Variants in ZBTB16 observed in about 807,000 individuals in gnomAD.
ZBTB16 encodes zinc finger and BTB domain containing 16, also known as zinc finger and BTB domain-containing protein 16.
ZBTB16 carries 8 observed loss-of-function variants against 56.8 expected under a neutral mutation model. That is an observed-to-expected ratio of 0.14 (90% CI 0.08 to 0.25). The LOEUF (loss-of-function observed/expected upper bound fraction) is 0.25, where lower values mean the gene tolerates loss of function less well. Among genes scored for constraint, ZBTB16 ranks in the 10% least tolerant of loss-of-function variants. The pLI, the probability that ZBTB16 is intolerant of heterozygous loss-of-function variation, is 1.00. For missense variants in ZBTB16, 625 were observed against 903.0 expected (o/e 0.69, Z 3.95); for synonymous variants, 363 against 368.5 (o/e 0.98, Z 0.17).
intron 5 of ZBTB16, chr11:114,246,887 G>A (rs1944826720): frequency 4.9e-6 from 2 of 407,044 alleles, no homozygotes; most frequent in Non-Finnish European, 9.2e-6. Flanking sequence ...GCAAGATGGT[G>A]AGGTCTCATG....
chr11:114,158,393 T>G (rs867526627), intron 3 of ZBTB16, among the ~76,000 whole-genome samples: 1 of 152,220 alleles, frequency 6.6e-6, no homozygotes, highest in South Asian at 2.1e-4. Flanking sequence ...GTGGCTTTGT[T>G]TGCCCCATTC....
chr11:114,109,026 G>T (rs1158180660), intron 2 of ZBTB16, among the ~76,000 whole-genome samples: 1 of 152,194 alleles, frequency 6.6e-6, no homozygotes, highest in Admixed American at 6.5e-5. Flanking sequence ...GTGGGGACGG[G>T]GCTGATCTGT....
Position 114,186,895 on chromosome 11 carries a change from C to T in ZBTB16, c.1367-57C>T, listed in dbSNP as rs542471640. The stretch of plus-strand genomic sequence containing the variant: ...TACCTGCACAGTTGTGGCCCAGGAC[C>T]TCCCCGCTCACCAGTGGACTATTGC... On this transcript the variant is annotated intron_variant, in intron 3 of 6. Coordinates refer to ENST00000335953, the MANE Select transcript of ZBTB16 (RefSeq NM_006006.6). The T allele has an allele frequency of 1.9e-5, 30 of 1,564,944 alleles. No individual in the cohort carries two copies. The East Asian group carries it at 5.4e-4, about 28-fold the overall frequency.
intron 2 of ZBTB16, among the ~76,000 whole-genome samples, chr11:114,083,683 G>A (rs1003572059): frequency 2.0e-5 from 3 of 152,144 alleles, no homozygotes; most frequent in African/African-American, 7.2e-5. Flanking sequence ...GCTCTCCCGT[G>A]TTCTGTACCA....
chr11:114,102,843 T>C (rs1344863531), intron 2 of ZBTB16, among the ~76,000 whole-genome samples: 3 of 152,216 alleles, frequency 2.0e-5, no homozygotes, highest in Non-Finnish European at 4.4e-5. Context: ...TTGAAGTTTT[T>C]GATGCTCGCC....
chr11:114,218,575 A>G (rs1436046894), intron 4 of ZBTB16, among the ~76,000 whole-genome samples: 1 of 152,194 alleles, frequency 6.6e-6, no homozygotes, highest in East Asian at 1.9e-4. Context: ...CTTTTCTCAT[A>G]AAGACTTTGT....
rs1009133360 is a variant in ZBTB16 at position 114,060,745 on chromosome 11, C to T, written c.-91+863C>T. 1.3e-5 allele frequency among the ~76,000 whole-genome samples: 2 copies of T among 152,106 alleles called. No homozygotes were observed. Among genetic ancestry groups the T allele is most frequent in the East Asian group, 3.9e-4 (2 of 5,152 alleles). The stretch of plus-strand genomic sequence containing the variant: ...ACCCGGACGCACGGAGCGCTCCGCA[C>T]CGACTCGCTCGCCGCCTCCCCGAGA... On this transcript the variant is annotated intron_variant, in intron 1 of 6. Transcript: ENST00000335953. This position sits in a 1 kb window ranked among gnomAD's most constrained non-coding sequence, Gnocchi z 6.0.
intron 2 of ZBTB16, among the ~76,000 whole-genome samples, chr11:114,115,236 G>A (rs1941135059): frequency 6.6e-6 from 1 of 151,988 alleles, no homozygotes; most frequent in Non-Finnish European, 1.5e-5. Context: ...GAGCAGGGAC[G>A]GTGTATGTCC....
At chr11:114,241,466 C>G (rs958812768) in intron 4 of ZBTB16, among the ~76,000 whole-genome samples, 3 of 152,134 alleles carry the variant, frequency 2.0e-5, no homozygotes, top group Non-Finnish European at 4.4e-5. Context: ...GAGCATGAAC[C>G]CTATTGGGAA....
intron 4 of ZBTB16, among the ~76,000 whole-genome samples, chr11:114,195,360 A>G (rs1943580738): frequency 6.6e-6 from 1 of 152,068 alleles, no homozygotes; most frequent in Non-Finnish European, 1.5e-5. Context: ...TAATGTGAAC[A>G]TGGGGGAGTT....
intron 2 of ZBTB16, among the ~76,000 whole-genome samples, chr11:114,112,760 C>CTTTTT (rs398017637): frequency 7.5e-6 from 1 of 133,146 alleles, no homozygotes; most frequent in Non-Finnish European, 1.6e-5. Context: ...AGTTCATTTT[C>CTTTTT]TTTTTTTTTT....
intron 2 of ZBTB16, among the ~76,000 whole-genome samples, chr11:114,121,506 C>T (rs1185241855): frequency 1.3e-5 from 2 of 152,196 alleles, no homozygotes; most frequent in African/African-American, 4.8e-5. Context: ...TTGTGGCTAG[C>T]ACCATGGCTA....
intron 3 of ZBTB16, among the ~76,000 whole-genome samples, chr11:114,162,811 G>C (rs2134980206): frequency 6.6e-6 from 1 of 152,320 alleles, no homozygotes; most frequent in East Asian, 1.9e-4. Context: ...GGGTGATGCG[G>C]ATGCAGAGAG....
intron 2 of ZBTB16, among the ~76,000 whole-genome samples, chr11:114,071,197 C>T (rs1397061157): frequency 3.3e-5 from 5 of 149,556 alleles, no homozygotes; most frequent in Non-Finnish European, 7.4e-5. Flanking sequence ...ATTGGCAGTT[C>T]AGCCAGTTAA....
chr11:114,146,698 A>T (rs1942114687), intron 2 of ZBTB16, among the ~76,000 whole-genome samples: 1 of 151,986 alleles, frequency 6.6e-6, no homozygotes, highest in Admixed American at 6.5e-5. Flanking sequence ...ATTAAAAAAA[A>T]ATCAGCTGGG....
At chr11:114,139,625 A>G (rs1040519010) in intron 2 of ZBTB16, among the ~76,000 whole-genome samples, 107 of 89,346 alleles carry the variant, frequency 1.2e-3, no homozygotes, top group African/African-American at 7.8e-3. Context: ...CCCGCGGTCC[A>G]CGTGTGTGTG....
chr11:114,234,235 G>A (rs1342553690), intron 4 of ZBTB16, among the ~76,000 whole-genome samples: 2 of 152,192 alleles, frequency 1.3e-5, no homozygotes, highest in African/African-American at 4.8e-5. Flanking sequence ...ATTTGACAAG[G>A]ACGAAATTGA....
intron 2 of ZBTB16, among the ~76,000 whole-genome samples, chr11:114,148,419 C>CTGT (rs1565651787): frequency 6.2e-5 from 1 of 16,036 alleles, no homozygotes; most frequent in African/African-American, 2.9e-4. Flanking sequence ...CTCCCTCCCT[C>CTGT]CCTCCCTCTC....
intron 3 of ZBTB16, among the ~76,000 whole-genome samples, chr11:114,173,028 A>ACCTCAATTAT (rs1370496803): frequency 1.3e-5 from 2 of 152,170 alleles, no homozygotes; most frequent in African/African-American, 4.8e-5. Context: ...ATTATGGTGC[A>ACCTCAATTAT]GGGGGTAAGG....
Sources: allele counts gnomAD v4.1 joint callset (sites outside exome capture counted in the v4.1 genomes callset), GRCh38; gene constraint gnomAD v4.1.1; non-coding constraint Gnocchi (gnomAD v3.1); transcripts MANE v1.5; gene names NCBI Gene and HGNC (gene_info 2026-07-23, HGNC 2026-07-21).